The following CSMD1 variants were observed in gnomAD, a reference collection of about 807,000 sequenced individuals.
The protein encoded by CSMD1 is CUB and sushi domain-containing protein 1.
A neutral mutation model predicts 417.5 loss-of-function variants in CSMD1; 213 were observed. The observed-to-expected ratio is 0.51, with a 90% CI of 0.46 to 0.57. The LOEUF (loss-of-function observed/expected upper bound fraction) is 0.57. CSMD1 is among the 20% of genes least tolerant of loss of function. The pLI, the probability that CSMD1 is intolerant of heterozygous loss-of-function variation, is 0.00. For synonymous variants in CSMD1, 2,862 were observed against 1,736.8 expected, an observed-to-expected ratio of 1.65 and a Z score of -16.11; for missense variants, 6,923 against 4,529.7, an observed-to-expected ratio of 1.53 and a Z score of -15.17.
chr8:4,787,230 C>A, intron 1 of CSMD1: 1 of 497,432 alleles, frequency 2.0e-6, no homozygotes, highest in Non-Finnish European at 3.7e-6. Context: ...GCCTGGGGGC[C>A]GCGCCTCCTT....
intron 1 of CSMD1, among the ~76,000 whole-genome samples, chr8:4,668,688 G>C (rs370439939): frequency 1.1e-3 from 161 of 151,976 alleles, no homozygotes; most frequent in African/African-American, 3.9e-3. Context: ...CTGACCTAGT[G>C]ATCTCCCCGC....
At chr8:4,321,970 G>A (rs1370788470) in intron 3 of CSMD1, among the ~76,000 whole-genome samples, 1 of 151,550 alleles carries the variant, frequency 6.6e-6, no homozygotes, top group Non-Finnish European at 1.5e-5. Context: ...AAATTACCAG[G>A]GTCATAGACA....
chr8:4,863,177 C>T (rs1180701434), intron 1 of CSMD1, among the ~76,000 whole-genome samples: 20 of 152,026 alleles, frequency 1.3e-4, no homozygotes, highest in Non-Finnish European at 2.8e-4. Flanking sequence ...TGACAAGGTG[C>T]TTCATTTCTC....
intron 1 of CSMD1, among the ~76,000 whole-genome samples, chr8:4,694,636 T>G (rs1806998692): frequency 6.6e-6 from 1 of 151,980 alleles, no homozygotes; most frequent in South Asian, 2.1e-4. Flanking sequence ...GTACTAGGAT[T>G]ACAGCCGTGA....
chr8:4,223,396 G>A (rs1025851924), intron 3 of CSMD1, among the ~76,000 whole-genome samples: 5 of 152,232 alleles, frequency 3.3e-5, no homozygotes, highest in African/African-American at 9.6e-5. Flanking sequence ...CTGCCGCCAA[G>A]GTAAGCAGGA....
chr8:4,188,990 T>C (rs748819576), intron 3 of CSMD1, among the ~76,000 whole-genome samples: 4 of 152,192 alleles, frequency 2.6e-5, no homozygotes, highest in African/African-American at 9.7e-5. Context: ...AATGTTGGAC[T>C]GTGATGTAAA....
At chr8:3,834,370 T>G (rs994164529) in intron 5 of CSMD1, among the ~76,000 whole-genome samples, 1 of 152,136 alleles carries the variant, frequency 6.6e-6, no homozygotes, top group African/African-American at 2.4e-5. Context: ...TAACCTTGTC[T>G]GCAGTTAATC....
intron 10 of CSMD1, among the ~76,000 whole-genome samples, chr8:3,507,616 C>CA (rs1345549888): frequency 1.3e-5 from 2 of 152,196 alleles, no homozygotes; most frequent in African/African-American, 4.8e-5. Flanking sequence ...TTTACATTCC[C>CA]ACCAACAGTG....
chr8:3,488,179 T>A (rs1327124598), intron 11 of CSMD1, among the ~76,000 whole-genome samples: 1 of 152,052 alleles, frequency 6.6e-6, no homozygotes, highest in East Asian at 1.9e-4. Context: ...CATAGCTCAC[T>A]GCAGCCTTGA....
At chr8:4,673,837 T>G (rs1805503630) in intron 1 of CSMD1, among the ~76,000 whole-genome samples, 1 of 151,734 alleles carries the variant, frequency 6.6e-6, no homozygotes, top group African/African-American at 2.4e-5. Context: ...AGCAATTGAG[T>G]GCTTGCCAGG....
chr8:3,182,624 G>GGC (rs1821423610), intron 36 of CSMD1, among the ~76,000 whole-genome samples: 1 of 56,420 alleles, frequency 1.8e-5, no homozygotes, highest in Non-Finnish European at 4.4e-5. Context: ...GTGTGTGTGT[G>GGC]TGTGTGTGTA....
intron 1 of CSMD1, among the ~76,000 whole-genome samples, chr8:4,874,412 C>T (rs1164207014): frequency 3.4e-5 from 4 of 118,210 alleles, no homozygotes; most frequent in Non-Finnish European, 1.7e-5. Flanking sequence ...TTTTCTGAGA[C>T]GGAGTCTTGC....
At chr8:4,324,115 A>G (rs967476408) in intron 3 of CSMD1, among the ~76,000 whole-genome samples, 3 of 152,160 alleles carry the variant, frequency 2.0e-5, no homozygotes, top group African/African-American at 7.2e-5. Context: ...TCACCTAAAA[A>G]TCTCCTGCCT....
At chr8:4,697,222 T>C (rs1169851975) in intron 1 of CSMD1, among the ~76,000 whole-genome samples, 1 of 152,014 alleles carries the variant, frequency 6.6e-6, no homozygotes, top group African/African-American at 2.4e-5. Flanking sequence ...TTCTACTTAT[T>C]TTTGATTCTA....
At chr8:3,167,728 G>C (rs946838142) in intron 37 of CSMD1, among the ~76,000 whole-genome samples, 12 of 152,166 alleles carry the variant, frequency 7.9e-5, no homozygotes, top group African/African-American at 2.9e-4. Flanking sequence ...GTCCTAATTT[G>C]ACCAAAAACA....
At chr8:3,314,233 AAAACTT>A (rs980276517) in intron 23 of CSMD1, among the ~76,000 whole-genome samples, 37 of 151,678 alleles carry the variant, frequency 2.4e-4, no homozygotes, top group African/African-American at 8.2e-4. Flanking sequence ...AACAAACCCT[AAAACTT>A]AAAGTATAAT....
intron 3 of CSMD1, among the ~76,000 whole-genome samples, chr8:4,214,482 G>A (rs1006546489): frequency 1.3e-5 from 2 of 152,188 alleles, no homozygotes; most frequent in Non-Finnish European, 2.9e-5. Context: ...ATTTTTGGTA[G>A]TGAAAGGGTC....
chr8:3,175,507 G>GCCTT (rs1554451376), intron 37 of CSMD1, among the ~76,000 whole-genome samples: 2,148 of 125,788 alleles, frequency 0.017, 52 homozygotes, highest in African/African-American at 0.032. Flanking sequence ...CTGCCTGCCT[G>GCCTT]CCTTTTTTCC....
chr8:4,614,656 C>A (rs1399361108), intron 2 of CSMD1, among the ~76,000 whole-genome samples: 1 of 152,054 alleles, frequency 6.6e-6, no homozygotes, highest in Non-Finnish European at 1.5e-5. Context: ...CAAACGTGCG[C>A]ACACACACAA....
Sources: allele counts gnomAD v4.1 joint callset (sites outside exome capture counted in the v4.1 genomes callset), GRCh38; gene constraint gnomAD v4.1.1; transcripts MANE v1.5; gene names NCBI Gene and HGNC (gene_info 2026-07-23, HGNC 2026-07-21).